The following DLG2 variants were observed in gnomAD, a reference collection of about 807,000 sequenced individuals.
DLG2 encodes disks large homolog 2.
A neutral mutation model predicts 132.5 loss-of-function variants in DLG2; 45 were observed. The observed-to-expected ratio is 0.34, with a 90% CI of 0.27 to 0.44. The LOEUF is 0.44. Ranked by LOEUF, DLG2 falls within the 20% of genes least tolerant of loss-of-function variation. The pLI, the probability that DLG2 is intolerant of heterozygous loss-of-function variation, is 1.00. For synonymous variants in DLG2, 424 were observed against 419.6 expected (o/e 1.01, Z -0.13); for missense variants, 1,045 against 1,196.9 (o/e 0.87, Z 1.87).
At chr11:84,738,638 A>G (rs557093055) in intron 6 of DLG2, among the ~76,000 whole-genome samples, 1 of 152,238 alleles carries the variant, frequency 6.6e-6, no homozygotes, top group African/African-American at 2.4e-5. Context: ...CCAAGTGTTG[A>G]TGAGGATGTG....
At chr11:85,236,805 A>G (rs2075610448) in intron 4 of DLG2, among the ~76,000 whole-genome samples, 1 of 152,074 alleles carries the variant, frequency 6.6e-6, no homozygotes, top group African/African-American at 2.4e-5. Context: ...ATAGTTATTC[A>G]AAAAGTGGAC....
chr11:85,070,966 G>A (rs1203518084), intron 6 of DLG2, among the ~76,000 whole-genome samples: 1 of 151,848 alleles, frequency 6.6e-6, no homozygotes, highest in Non-Finnish European at 1.5e-5. Context: ...TTGGACACTG[G>A]AGTCAGTCTG....
intron 11 of DLG2, among the ~76,000 whole-genome samples, chr11:83,990,248 T>C (rs2093630671): frequency 6.6e-6 from 1 of 152,132 alleles, no homozygotes; most frequent in Non-Finnish European, 1.5e-5. Flanking sequence ...AAATGACCTG[T>C]TTGGCAATCA....
Position 84,669,554 on chromosome 11 carries a change from A to C in DLG2, c.358-134823T>G, listed in dbSNP as rs183020440. ...TCACTTCTTTTGACAAAGTGTTAGCATCTATGGTGTAAGATATTAGATAGG... is the reference window on the plus strand; with the variant it reads ...TCACTTCTTTTGACAAAGTGTTAGCCTCTATGGTGTAAGATATTAGATAGG... On this transcript the variant is annotated intron_variant, in intron 6 of 27. Coordinates refer to ENST00000376104, the MANE Select transcript of DLG2 (RefSeq NM_001142699.3). Among the ~76,000 whole-genome samples the C allele has an allele frequency of 3.5e-3, 540 of 152,282 alleles. 4 individuals are homozygous for C. Among genetic ancestry groups the C allele is most frequent in the African/African-American group, 0.013 (526 of 41,576 alleles).
intron 11 of DLG2, among the ~76,000 whole-genome samples, chr11:83,984,564 A>G (rs1309769944): frequency 1.3e-5 from 2 of 152,162 alleles, no homozygotes; most frequent in East Asian, 3.8e-4. Context: ...GATTGCATCT[A>G]TCCTCATTCA....
At chr11:83,536,585 C>G (rs1452498095) in intron 20 of DLG2, among the ~76,000 whole-genome samples, 1 of 146,554 alleles carries the variant, frequency 6.8e-6, no homozygotes, top group Non-Finnish European at 1.5e-5. Context: ...TTTTTTCTGG[C>G]AACTAAAGCT....
At chr11:84,456,182 T>C (rs2099064893) in intron 7 of DLG2, among the ~76,000 whole-genome samples, 1 of 151,254 alleles carries the variant, frequency 6.6e-6, no homozygotes, top group African/African-American at 2.4e-5. Flanking sequence ...GACCAAATTT[T>C]TAATAAATGT....
chr11:84,497,675 C>T (rs1354003762), intron 7 of DLG2, among the ~76,000 whole-genome samples: 1 of 152,102 alleles, frequency 6.6e-6, no homozygotes, highest in African/African-American at 2.4e-5. Flanking sequence ...AGTTTGGGAA[C>T]CATGGAATTC....
At chr11:85,146,157 G>A (rs2076827352) in intron 5 of DLG2, among the ~76,000 whole-genome samples, 1 of 151,696 alleles carries the variant, frequency 6.6e-6, no homozygotes, top group African/African-American at 2.4e-5. Context: ...TTACTGGGCA[G>A]CAGTCTCTGA....
Position 85,368,384 on chromosome 11 carries a change from G to A in DLG2, c.41-83019C>T, listed in dbSNP as rs908999683. On this transcript the variant is annotated intron_variant, in intron 3 of 27. Transcript: ENST00000376104. Reference sequence around the variant, plus strand: ...ATGAGGCAACTTTATTCTTCCAGTTGTTCAGGTCTAAATCTTTGAAGATAC... The same window carrying A: ...ATGAGGCAACTTTATTCTTCCAGTTATTCAGGTCTAAATCTTTGAAGATAC... 6.6e-5 allele frequency among the ~76,000 whole-genome samples: 10 copies of A among 152,158 alleles called. No individual in the cohort carries two copies. In the South Asian group the frequency reaches 2.1e-3, roughly 32 times the overall value.
intron 3 of DLG2, among the ~76,000 whole-genome samples, chr11:85,356,453 G>C (rs1478901356): frequency 6.6e-6 from 1 of 151,982 alleles, no homozygotes; most frequent in Admixed American, 6.6e-5. Context: ...AGCTCCTAGA[G>C]TACAAAGAAA....
chr11:84,254,428 A>G (rs567787397), intron 7 of DLG2, among the ~76,000 whole-genome samples: 1 of 152,300 alleles, frequency 6.6e-6, no homozygotes, highest in East Asian at 1.9e-4. Flanking sequence ...AGAATTCTCC[A>G]CAGCACTTGG....
intron 9 of DLG2, among the ~76,000 whole-genome samples, chr11:84,103,462 T>A (rs2092685649): frequency 2.0e-5 from 3 of 152,082 alleles, no homozygotes; most frequent in African/African-American, 7.2e-5. Flanking sequence ...TGTTGATCCC[T>A]GATGCAGTCA....
intron 6 of DLG2, among the ~76,000 whole-genome samples, chr11:84,571,597 T>C (rs1255404705): frequency 6.6e-6 from 1 of 152,108 alleles, no homozygotes; most frequent in Non-Finnish European, 1.5e-5. Context: ...CAGTCTCCTT[T>C]CTGTACATTC....
intron 9 of DLG2, among the ~76,000 whole-genome samples, chr11:84,105,934 T>C (rs1424111844): frequency 2.0e-5 from 3 of 152,132 alleles, no homozygotes; most frequent in Non-Finnish European, 4.4e-5. Context: ...TAATATAGTT[T>C]ATACTACAAA....
At chr11:85,036,844 T>A (rs1191471076) in intron 6 of DLG2, among the ~76,000 whole-genome samples, 1 of 152,148 alleles carries the variant, frequency 6.6e-6, no homozygotes, top group Non-Finnish European at 1.5e-5. Flanking sequence ...AAAGGATGTA[T>A]CAAGGCACTT....
chr11:84,999,919 T>C (rs1353481645), intron 6 of DLG2, among the ~76,000 whole-genome samples: 4 of 152,114 alleles, frequency 2.6e-5, no homozygotes, highest in Admixed American at 6.6e-5. Flanking sequence ...CAGATCTGCA[T>C]CCTATTCCAA....
intron 8 of DLG2, among the ~76,000 whole-genome samples, chr11:84,199,688 G>C (rs1316575868): frequency 6.6e-6 from 1 of 151,980 alleles, no homozygotes; most frequent in East Asian, 1.9e-4. Context: ...AAAGAAGAAT[G>C]AATGAATCAC....
At chr11:85,509,477 G>C (rs1337920688) in intron 3 of DLG2, among the ~76,000 whole-genome samples, 2 of 152,040 alleles carry the variant, frequency 1.3e-5, no homozygotes, top group African/African-American at 2.4e-5. Context: ...CAAGCAACCA[G>C]GACGGTGGAG....
Sources: allele counts gnomAD v4.1 joint callset (sites outside exome capture counted in the v4.1 genomes callset), GRCh38; gene constraint gnomAD v4.1.1; transcripts MANE v1.5; gene names NCBI Gene and HGNC (gene_info 2026-07-23, HGNC 2026-07-21).